ZNF234: variants seen among roughly 807,000 people sequenced by gnomAD.
ZNF234 encodes the protein zinc finger protein 234, also known as C2-H2 type zinc finger protein.
In ZNF234, 4 loss-of-function variants were observed where a neutral mutation model predicts 10.3. That is an observed-to-expected ratio of 0.39 (90% confidence interval 0.19 to 0.89). ZNF234 has a LOEUF of 0.89. Among genes scored for constraint, ZNF234 ranks in the 40% least tolerant of loss-of-function variants. The pLI, the probability that ZNF234 is intolerant of heterozygous loss-of-function variation, is 0.38. For synonymous variants in ZNF234, 258 were observed against 280.1 expected, an observed-to-expected ratio of 0.92 and a Z score of 0.79; for missense variants, 711 against 836.1, an observed-to-expected ratio of 0.85 and a Z score of 1.85.
chr19:44,157,281 A>G lies in ZNF234; in HGVS notation c.1265A>G (p.His422Arg). The G allele has an allele frequency of 1.9e-6, 3 of 1,614,120 alleles. No individual in the cohort carries two copies. Among genetic ancestry groups the G allele is most frequent in the Middle Eastern group, 1.6e-4 (1 of 6,062 alleles). The change falls in exon 6 of 6, where the codon CAC becomes CGC. Residue 422 changes from histidine (H) to arginine (R), a missense_variant. Physicochemically the swap from His to Arg is conservative, Grantham distance 29 (BLOSUM62 0). Coordinates refer to ENST00000426739, the MANE Select transcript of ZNF234 (RefSeq NM_006630.3). ...CATTATCAAGTGCATCTGGTAGTCC[A>G]CACAGGGGAAAAACCCTATAAATGT... ...KIHYQVHLVVHTGEKPYKCEV... is the reference protein window; with the variant it reads ...KIHYQVHLVVRTGEKPYKCEV...
In ZNF234 at chr19:44,158,130, A is replaced by AAC. The variant is rs1968957143; in HGVS notation, c.*12_*13insCA. ...AGTTCTACAAGGTGATTAAAAAAAA[A>AAC]AAAACAGAACTCATGTACAACCTGA... On this transcript the variant is annotated 3_prime_UTR_variant, in exon 6 of 6. Coordinates refer to ENST00000426739, the MANE Select transcript of ZNF234 (RefSeq NM_006630.3). The AAC allele has an allele frequency of 6.3e-7, 1 of 1,584,754 alleles. No individual in the cohort carries two copies. Among genetic ancestry groups the AAC allele is most frequent in the African/African-American group, 1.4e-5 (1 of 72,598 alleles).
rs1464180009 is a variant in ZNF234 at position 44,160,164 on chromosome 19, T to C, written c.*2045T>C. ...ATTTATTATTTGGGCAGGATTGGCA[T>C]TTACCATGCTTTTCCCTATTGCTGG... On this transcript the variant is annotated 3_prime_UTR_variant, in exon 6 of 6. Transcript: ENST00000426739. 2 of 152,210 alleles carry C rather than the reference T, an allele frequency of 1.3e-5. No individual in the cohort carries two copies. The highest frequency in any genetic ancestry group is 2.9e-5 in the Non-Finnish European group (2 of 68,048). 9.4% of individuals were successfully genotyped at this position (152,210 alleles called of 1,614,324 possible). A position where few individuals can be genotyped will look rare whatever the true frequency, so the allele number is the denominator to read the frequency against.
intron 3 of ZNF234, among the ~76,000 whole-genome samples, chr19:44,145,596 TAGTC>T (rs1425447759): frequency 1.3e-5 from 2 of 152,216 alleles, no homozygotes; most frequent in African/African-American, 2.4e-5. Flanking sequence ...TCCTCCATGT[TAGTC>T]AGGCTAGTCT....
chr19:44,154,635 T>TTC (rs1412759286), intron 5 of ZNF234, among the ~76,000 whole-genome samples: 8 of 143,356 alleles, frequency 5.6e-5, no homozygotes, highest in African/African-American at 2.2e-4. Context: ...TTTCTTTTTT[T>TTC]TTTTTTTTTT....
chr19:44,156,970 T>G lies in ZNF234; in HGVS notation c.954T>G (p.Cys318Trp), dbSNP rs781537961. ...MVHTGEKPYK[C>W]EDCGKCFTCS... ...ACACAGGAGAGAAACCATACAAATG[T>G]GAGGACTGTGGTAAGTGTTTCACTT... is the stretch of plus-strand genomic sequence containing the variant. Residue 318 changes from cysteine to tryptophan, a missense_variant, in exon 6 of 6, where the codon TGT (cysteine) becomes TGG (tryptophan). Physicochemically the swap from Cys to Trp is radical, Grantham distance 215. Transcript: ENST00000426739. 2.5e-6 allele frequency: 4 copies of G among 1,613,942 alleles called. No individual in the cohort carries two copies. Among genetic ancestry groups the G allele is most frequent in the Non-Finnish European group, 3.4e-6 (4 of 1,179,974 alleles).
rs760623703 is a variant in ZNF234, at chr19:44,156,888, A to G, written c.872A>G (p.Asp291Gly). 2.5e-6 allele frequency: 4 copies of G among 1,613,724 alleles called. No homozygotes were observed. The highest frequency in any genetic ancestry group is 1.3e-5 in the African/African-American group (1 of 74,932). The change falls in exon 6 of 6, where the codon GAT (aspartate) becomes GGT (glycine). Residue 291 changes from aspartate to glycine, a missense_variant. Transcript: ENST00000426739. Reference sequence around the variant, plus strand: ...ACTGGGGAGAAACCATTCAAATGTGATACATGTGGTAAGAACTTCCGTCGT... The same window carrying G: ...ACTGGGGAGAAACCATTCAAATGTGGTACATGTGGTAAGAACTTCCGTCGT... ...IHTGEKPFKCDTCGKNFRRRS... is the reference protein window; with the variant it reads ...IHTGEKPFKCGTCGKNFRRRS...
rs372608935 is a variant in ZNF234, at chr19:44,157,064, G to A, written c.1048G>A (p.Gly350Ser). Residue 350 changes from glycine to serine, a missense_variant, in exon 6 of 6, where the codon GGT (glycine) becomes AGT (serine). Gly to Ser is a moderately conservative substitution (Grantham distance 56). Coordinates refer to ENST00000426739, the MANE Select transcript of ZNF234 (RefSeq NM_006630.3). Reference protein sequence around the residue: ...GEKPYKCEECGKCFIQPSQFQ... With the variant: ...GEKPYKCEECSKCFIQPSQFQ... ...GAAACCTTACAAGTGTGAAGAATGTGGTAAGTGCTTTATTCAGCCTTCACA... is the reference window on the plus strand; with the variant it reads ...GAAACCTTACAAGTGTGAAGAATGTAGTAAGTGCTTTATTCAGCCTTCACA... 4.3e-6 allele frequency: 7 copies of A among 1,614,160 alleles called. No individual in the cohort carries two copies. The highest frequency in any genetic ancestry group is 1.7e-5 in the Admixed American group (1 of 60,012).
In ZNF234 at chr19:44,159,691, C is replaced by T. The variant is rs989510591; in HGVS notation, c.*1572C>T. On this transcript the variant is annotated 3_prime_UTR_variant, in exon 6 of 6. Coordinates refer to ENST00000426739, the MANE Select transcript of ZNF234 (RefSeq NM_006630.3). ...ATTTGATTTCTGACTTTCCACATTT[C>T]CATCCAGACTTTGACATGATTGCCG... The T allele has an allele frequency of 7.0e-6, 3 of 431,360 alleles. No individual in the cohort carries two copies. The highest frequency in any genetic ancestry group is 6.0e-5 in the African/African-American group (3 of 49,866). The allele number at this position is 431,360 out of a possible 1,614,324, so 26.7% of individuals were successfully genotyped here. A position where few individuals can be genotyped will look rare whatever the true frequency, so the allele number is the denominator to read the frequency against.
intron 3 of ZNF234, among the ~76,000 whole-genome samples, chr19:44,147,627 C>T (rs535363978): frequency 6.6e-6 from 1 of 152,166 alleles, no homozygotes; most frequent in African/African-American, 2.4e-5. Context: ...CCAAGGCAGG[C>T]GGATCACCTG....
intron 4 of ZNF234, among the ~76,000 whole-genome samples, chr19:44,149,468 A>G (rs1404865058): frequency 1.3e-5 from 2 of 152,108 alleles, no homozygotes; most frequent in Non-Finnish European, 2.9e-5. Context: ...CATTGGTTAG[A>G]AATGTAATTT....
intron 5 of ZNF234, among the ~76,000 whole-genome samples, chr19:44,153,791 G>A (rs1968806658): frequency 6.6e-6 from 1 of 152,024 alleles, no homozygotes; most frequent in Admixed American, 6.5e-5. Context: ...TTTTCTCCTA[G>A]GACTTGGCTT....
intron 5 of ZNF234, among the ~76,000 whole-genome samples, chr19:44,152,598 G>GC (rs1316382303): frequency 6.6e-6 from 1 of 152,146 alleles, no homozygotes; most frequent in Non-Finnish European, 1.5e-5. Flanking sequence ...CTTCCCAGTG[G>GC]CTTTCCTGGA....
chr19:44,143,251 G>A (rs922043959), intron 2 of ZNF234, among the ~76,000 whole-genome samples: 11 of 152,188 alleles, frequency 7.2e-5, no homozygotes, highest in Admixed American at 4.6e-4. Context: ...CCAGCACTTT[G>A]GGAGGCCAAG....
chr19:44,156,308 C>A lies in ZNF234; in HGVS notation c.292C>A (p.Leu98Ile). 1 of 1,599,306 alleles carries A rather than the reference C, an allele frequency of 6.3e-7. No individual in the cohort carries two copies. The change falls in exon 6 of 6, where the codon CTT becomes ATT. Residue 98 changes from leucine to isoleucine, a missense_variant. By Grantham distance (5) the Leu-to-Ile change is conservative (BLOSUM62 2). Transcript: ENST00000426739. ...TCCAGAAGCAGGACGACATGAAGAG[C>A]TTTACTGGGGGCAAATCTGGAAACA... ...TVPEAGRHEELYWGQIWKQIA... is the reference protein window; with the variant it reads ...TVPEAGRHEEIYWGQIWKQIA...
intron 3 of ZNF234, among the ~76,000 whole-genome samples, chr19:44,146,966 C>T (rs1440901576): frequency 6.6e-6 from 1 of 151,800 alleles, no homozygotes; most frequent in Non-Finnish European, 1.5e-5. Context: ...CAGGCACGCA[C>T]CACCATGCCT....
At chr19:44,145,437 T>C (rs2356751) in intron 3 of ZNF234, among the ~76,000 whole-genome samples, 51,488 of 152,106 alleles carry the variant, frequency 0.34, 8,887 homozygotes, top group Middle Eastern at 0.42. Context: ...CAAAAATCAA[T>C]TCTGAAAACT....
At chr19:44,150,760 A>C (rs903756970) in intron 5 of ZNF234, among the ~76,000 whole-genome samples, 4 of 152,148 alleles carry the variant, frequency 2.6e-5, no homozygotes, top group African/African-American at 7.2e-5. Flanking sequence ...AAGACCTTGT[A>C]CAGGGCTGGG....
In ZNF234 at chr19:44,158,045, G is replaced by T. The variant is rs773420098; in HGVS notation, c.2029G>T (p.Gly677Cys). ...AAGTCATCACAAAATTCATGCTGCT[G>T]GTACATTTTATGAAAATGATGAGAA... ...LVSHHKIHAA[G>C]TFYENDENSK... The change falls in exon 6 of 6, where the codon GGT becomes TGT. Residue 677 changes from glycine to cysteine, a missense_variant. Coordinates refer to ENST00000426739, the MANE Select transcript of ZNF234 (RefSeq NM_006630.3). 6.2e-7 allele frequency: 1 copy of T among 1,613,386 alleles called. No individual in the cohort carries two copies. Among genetic ancestry groups the T allele is most frequent in the East Asian group, 2.2e-5 (1 of 44,860 alleles).
At chr19:44,144,947 G>A (rs965179149) in intron 3 of ZNF234, among the ~76,000 whole-genome samples, 8 of 152,168 alleles carry the variant, frequency 5.3e-5, no homozygotes, top group Non-Finnish European at 1.0e-4. Context: ...TCCTTTTGCG[G>A]TTGATTGAGT....
Sources: allele counts gnomAD v4.1 joint callset (sites outside exome capture counted in the v4.1 genomes callset), GRCh38; gene constraint gnomAD v4.1.1; transcripts MANE v1.5; gene names NCBI Gene and HGNC (gene_info 2026-07-23, HGNC 2026-07-21).